ACAP2: variants seen among roughly 807,000 people sequenced by gnomAD.
The protein encoded by ACAP2 is ArfGAP with coiled-coil, ankyrin repeat and PH domains 2, also known as arf-GAP with coiled-coil, ANK repeat and PH domain-containing protein 2.
ACAP2 carries 39 observed loss-of-function variants against 115.8 expected under a neutral mutation model. The observed-to-expected ratio is 0.34, with a 90% CI of 0.26 to 0.44. The LOEUF (loss-of-function observed/expected upper bound fraction) is 0.44. ACAP2 is among the 20% of genes least tolerant of loss of function. The pLI, the probability that ACAP2 is intolerant of heterozygous loss-of-function variation, is 1.00. For synonymous variants in ACAP2, 289 were observed against 315.8 expected (o/e 0.92, Z 0.90); for missense variants, 662 against 927.6 (o/e 0.71, Z 3.72).
intron 4 of ACAP2, among the ~76,000 whole-genome samples, chr3:195,357,248 G>A (rs550558306): frequency 6.6e-6 from 1 of 152,186 alleles, no homozygotes; most frequent in South Asian, 2.1e-4. Flanking sequence ...GGAGAGGAAA[G>A]GGATGGGTGG....
chr3:195,358,359 AG>A (rs1315270792), intron 4 of ACAP2, among the ~76,000 whole-genome samples: 2 of 152,180 alleles, frequency 1.3e-5, no homozygotes, highest in African/African-American at 2.4e-5. Flanking sequence ...AGACCATTGA[AG>A]AAAACATAAC....
intron 4 of ACAP2, among the ~76,000 whole-genome samples, chr3:195,347,347 T>C (rs1320137527): frequency 1.3e-5 from 2 of 152,216 alleles, no homozygotes; most frequent in Non-Finnish European, 2.9e-5. Context: ...TTATATTAAG[T>C]TACACTACAA....
intron 13 of ACAP2, among the ~76,000 whole-genome samples, chr3:195,305,550 T>C (rs922885556): frequency 2.0e-5 from 3 of 152,042 alleles, no homozygotes; most frequent in Non-Finnish European, 4.4e-5. Flanking sequence ...AGGAGAAAGA[T>C]ATGGGATACA....
intron 4 of ACAP2, among the ~76,000 whole-genome samples, chr3:195,352,332 A>C (rs1243231645): frequency 6.6e-6 from 1 of 152,210 alleles, no homozygotes; most frequent in Non-Finnish European, 1.5e-5. Context: ...GAAATCACCT[A>C]ACAACACATT....
chr3:195,287,615 T>C (rs969047816), intron 21 of ACAP2, among the ~76,000 whole-genome samples: 1 of 152,138 alleles, frequency 6.6e-6, no homozygotes, highest in Non-Finnish European at 1.5e-5. Context: ...CCTAGCTTTA[T>C]GTGAATAATT....
At chr3:195,352,936 C>T (rs1731707978) in intron 4 of ACAP2, among the ~76,000 whole-genome samples, 2 of 152,076 alleles carry the variant, frequency 1.3e-5, no homozygotes, top group South Asian at 4.1e-4. Flanking sequence ...CCAAAATTAG[C>T]TGGGTGTGGT....
chr3:195,306,852 T>TA (rs36125128), intron 12 of ACAP2: 138,788 of 205,636 alleles, frequency 0.67, 43,988 homozygotes, highest in African/African-American at 0.76. Context: ...ACTGAATATT[T>TA]AAAAAAAAAA....
At chr3:195,389,855 C>A (rs1344183249) in intron 2 of ACAP2, among the ~76,000 whole-genome samples, 2 of 152,182 alleles carry the variant, frequency 1.3e-5, no homozygotes, top group Admixed American at 1.3e-4. Context: ...TCCCCCAACG[C>A]GGATCCTGAA....
chr3:195,293,016 A>C (rs1727372119), intron 18 of ACAP2, among the ~76,000 whole-genome samples: 1 of 152,004 alleles, frequency 6.6e-6, no homozygotes, highest in South Asian at 2.1e-4. Context: ...GAAACCATTA[A>C]TCTATCATAA....
intron 20 of ACAP2, among the ~76,000 whole-genome samples, chr3:195,290,147 G>A (rs1334157333): frequency 6.6e-6 from 1 of 152,182 alleles, no homozygotes; most frequent in East Asian, 1.9e-4. Context: ...GAGGTAGGGG[G>A]AATCACTTGA....
chr3:195,388,829 C>A (rs1734468094), intron 2 of ACAP2, among the ~76,000 whole-genome samples: 1 of 152,148 alleles, frequency 6.6e-6, no homozygotes, highest in Non-Finnish European at 1.5e-5. Context: ...CGAGACCAGC[C>A]TGGCCAATAT....
intron 11 of ACAP2, 127 bp downstream of exon 11, chr3:195,308,659 A>T: frequency 1.2e-6 from 1 of 809,656 alleles, no homozygotes; most frequent in Non-Finnish European, 1.9e-6. Context: ...ATACCTGCTC[A>T]AACATAAAAC....
At chr3:195,400,203 C>T (rs935708742) in intron 1 of ACAP2, among the ~76,000 whole-genome samples, 7 of 150,358 alleles carry the variant, frequency 4.7e-5, no homozygotes, top group African/African-American at 1.5e-4. Context: ...CAAAAAAATA[C>T]GTATGTGTAT....
intron 21 of ACAP2, among the ~76,000 whole-genome samples, chr3:195,288,412 C>T (rs1298935259): frequency 1.3e-5 from 2 of 152,080 alleles, no homozygotes; most frequent in South Asian, 4.1e-4. Context: ...AAATACCAAC[C>T]AACTTCGAAG....
chr3:195,327,688 T>C (rs1001289952), intron 8 of ACAP2, among the ~76,000 whole-genome samples: 3 of 152,208 alleles, frequency 2.0e-5, no homozygotes, highest in South Asian at 2.1e-4. Flanking sequence ...TCCCAGCACT[T>C]TGGGAGGCCA....
intron 4 of ACAP2, among the ~76,000 whole-genome samples, chr3:195,352,884 C>T (rs1400612104): frequency 6.6e-6 from 1 of 151,994 alleles, no homozygotes; most frequent in Non-Finnish European, 1.5e-5. Flanking sequence ...AGTTCCAGAC[C>T]AGCCTGGCCA....
intron 4 of ACAP2, among the ~76,000 whole-genome samples, chr3:195,345,979 C>T (rs1731165495): frequency 6.6e-6 from 1 of 152,136 alleles, no homozygotes; most frequent in African/African-American, 2.4e-5. Context: ...TACAGATATA[C>T]TTCATTCAGA....
intron 8 of ACAP2, among the ~76,000 whole-genome samples, chr3:195,329,296 G>A (rs767097771): frequency 4.6e-5 from 7 of 152,096 alleles, no homozygotes; most frequent in Non-Finnish European, 8.8e-5. Context: ...AAGATAACTT[G>A]GAGCAGAGTA....
chr3:195,331,765 C>G (rs7638924), intron 8 of ACAP2, among the ~76,000 whole-genome samples: 126,784 of 152,204 alleles, frequency 0.83, 53,102 homozygotes, highest in East Asian at 0.94. Flanking sequence ...ATAATGTTAT[C>G]ATCAGATATG....
Sources: allele counts gnomAD v4.1 joint callset (sites outside exome capture counted in the v4.1 genomes callset), GRCh38; gene constraint gnomAD v4.1.1; transcripts MANE v1.5; gene names NCBI Gene and HGNC (gene_info 2026-07-23, HGNC 2026-07-21).